The following ARHGEF18 variants were observed in gnomAD, a reference collection of about 807,000 sequenced individuals.
The protein encoded by ARHGEF18 is Rho/Rac guanine nucleotide exchange factor 18.
Under a neutral mutation model 155.7 loss-of-function variants are expected in ARHGEF18, and 93 were observed. That is an observed-to-expected ratio of 0.60 (90% CI 0.50 to 0.71). The LOEUF (loss-of-function observed/expected upper bound fraction) is 0.71, where lower values mean the gene tolerates loss of function less well. Among genes scored for constraint, ARHGEF18 ranks in the 30% least tolerant of loss-of-function variants. ARHGEF18 has a pLI of 0.00. For synonymous variants in ARHGEF18, 742 were observed against 753.1 expected (o/e 0.99, Z 0.24); for missense variants, 1,593 against 1,816.1 (o/e 0.88, Z 2.23).
At chr19:7,419,875 C>T (rs1311740923) in intron 10 of ARHGEF18, among the ~76,000 whole-genome samples, 2 of 149,754 alleles carry the variant, frequency 1.3e-5, no homozygotes, top group Admixed American at 6.6e-5. Flanking sequence ...GGAGTGGAAG[C>T]ACCTGGGGTG....
At chr19:7,432,337 A>G (rs1432449790) in intron 10 of ARHGEF18, among the ~76,000 whole-genome samples, 1 of 152,206 alleles carries the variant, frequency 6.6e-6, no homozygotes, top group Non-Finnish European at 1.5e-5. Context: ...TCAGCCTAAA[A>G]GAAAAGTCTT....
At chr19:7,472,714 T>G (rs1036132795), downstream of ARHGEF18, 6 of 295,832 alleles carry the variant, frequency 2.0e-5, no homozygotes, top group African/African-American at 6.5e-5. Context: ...TTGTTTGTTT[T>G]TTTGAGACAG....
At chr19:7,456,282 G>A in intron 17 of ARHGEF18, 45 bp from the exon 18 acceptor site, 1 of 1,593,172 alleles carries the variant, frequency 6.3e-7, no homozygotes, top group Non-Finnish European at 8.6e-7. Context: ...AAGACCTCCT[G>A]GCTATGGGAC....
chr19:7,364,257 AAGG>A (rs1362659743), intron 2 of ARHGEF18, among the ~76,000 whole-genome samples: 1 of 151,508 alleles, frequency 6.6e-6, no homozygotes, highest in Non-Finnish European at 1.5e-5. Context: ...TGATGGAAGG[AAGG>A]AGGATGGATA....
chr19:7,474,999 C>T (rs1209343556), downstream of ARHGEF18, among the ~76,000 whole-genome samples: 6 of 151,998 alleles, frequency 3.9e-5, no homozygotes, highest in Non-Finnish European at 7.4e-5. Flanking sequence ...TTTGGGAGGC[C>T]GAAGTGGGTG....
intron 3 of ARHGEF18, among the ~76,000 whole-genome samples, chr19:7,374,914 T>C (rs1049608180): frequency 2.0e-5 from 3 of 152,074 alleles, no homozygotes; most frequent in Admixed American, 2.0e-4. Flanking sequence ...CACCAAATAG[T>C]AGAGGCAGGG....
At chr19:7,478,276 G>A in the ARHGEF18 span, 1 of 1,601,086 alleles carries the variant, frequency 6.2e-7, no homozygotes, top group Non-Finnish European at 8.5e-7. Flanking sequence ...CCTGCTGGAG[G>A]GAGTGGGCCT....
chr19:7,389,317 ATT>A lies in ARHGEF18; in HGVS notation c.967+6136_967+6137del, dbSNP rs1203819709. 6.8e-3 allele frequency among the ~76,000 whole-genome samples: 764 copies of A among 112,970 alleles called. 4 individuals are homozygous for A. Among genetic ancestry groups the A allele is most frequent in the African/African-American group, 0.026 (723 of 27,914 alleles). 74.1% of individuals were successfully genotyped at this position (112,970 alleles called of 152,430 possible). On this transcript the variant is annotated intron_variant, in intron 10 of 28. Transcript: ENST00000668164. ...AAGTGCATGCCATCATACCAGGATA[ATT>A]TTTTTTTTTTTTTTTTTTTTTGTAG...
downstream of ARHGEF18, among the ~76,000 whole-genome samples, chr19:7,473,535 G>GGCGC (rs1293715648): frequency 2.0e-5 from 3 of 152,074 alleles, no homozygotes; most frequent in African/African-American, 7.2e-5. Context: ...AGGTTGGCCG[G>GGCGC]GCGCAGTGGC....
At chr19:7,459,022 C>T (rs1333474817) in intron 19 of ARHGEF18, among the ~76,000 whole-genome samples, 1 of 152,148 alleles carries the variant, frequency 6.6e-6, no homozygotes, top group Non-Finnish European at 1.5e-5. Context: ...GGGCCCAGAA[C>T]CAGCTGGCTT....
intron 13 of ARHGEF18, among the ~76,000 whole-genome samples, chr19:7,443,980 G>A (rs1974833211): frequency 1.3e-5 from 2 of 152,222 alleles, no homozygotes; most frequent in African/African-American, 4.8e-5. Context: ...CCCGTGATGG[G>A]GAGGCCCAGG....
chr19:7,361,991 G>GGAAGAAGAAGAAGAAGAAGAAGAGGAA (rs1969571061), intron 1 of ARHGEF18, among the ~76,000 whole-genome samples: 1 of 79,116 alleles, frequency 1.3e-5, no homozygotes, highest in Non-Finnish European at 2.4e-5. Context: ...AAGACTCTGT[G>GGAAGAAGAAGAAGAAGAAGAAGAGGAA]GAAGAAGAAG....
At chr19:7,465,610 T>G (rs2145902019) in intron 23 of ARHGEF18, among the ~76,000 whole-genome samples, 1 of 151,958 alleles carries the variant, frequency 6.6e-6, no homozygotes, top group Middle Eastern at 3.4e-3. Flanking sequence ...GGTCTCACTA[T>G]GTTGCCCAGG....
At chr19:7,438,020 C>T (rs1195072241) in intron 10 of ARHGEF18, among the ~76,000 whole-genome samples, 1 of 129,302 alleles carries the variant, frequency 7.7e-6, no homozygotes, top group Admixed American at 7.7e-5. Context: ...CCTCCCCTCC[C>T]TTCCCTTCCC....
intron 10 of ARHGEF18, among the ~76,000 whole-genome samples, chr19:7,424,996 GAA>G (rs538094940): frequency 1.2e-4 from 16 of 136,566 alleles, no homozygotes; most frequent in East Asian, 2.1e-4. Context: ...ACGTCTCGGG[GAA>G]AAAAAAAAAA....
chr19:7,451,784 C>T (rs767436552), intron 16 of ARHGEF18, among the ~76,000 whole-genome samples: 2 of 151,730 alleles, frequency 1.3e-5, no homozygotes, highest in Non-Finnish European at 2.9e-5. Flanking sequence ...TACAGTGGCA[C>T]GATCTCGGCT....
intron 1 of ARHGEF18, among the ~76,000 whole-genome samples, chr19:7,362,155 GAGGAGAAGAAGGAGAAGA>G (rs879464103): frequency 0.26 from 9,473 of 36,680 alleles, 2,977 homozygotes; most frequent in Middle Eastern, 0.37. Context: ...GAAGGAGAAG[GAGGAGAAGAAGGAGAAGA>G]AGGAGAAGAA....
chr19:7,398,048 T>C (rs1035209663), intron 10 of ARHGEF18, among the ~76,000 whole-genome samples: 4 of 152,140 alleles, frequency 2.6e-5, no homozygotes, highest in Non-Finnish European at 5.9e-5. Context: ...ACTGTGTATA[T>C]ATACTTCAAA....
Position 7,471,937 on chromosome 19 carries a change from C to CCG in ARHGEF18, c.*1640_*1641dup, listed in dbSNP as rs1164090085. On this transcript the variant is annotated 3_prime_UTR_variant, in exon 29 of 29. Transcript: ENST00000668164. This position sits in a 1 kb window ranked among gnomAD's most constrained non-coding sequence, Gnocchi z 4.4. ...GGCCATCAGCGACGCTGTCCGCCCC[C>CCG]CGTCAGATCCCATGTGTGCCATGTT... The CCG allele has an allele frequency of 6.6e-6, 1 of 151,684 alleles. No homozygotes were observed. Among genetic ancestry groups the CCG allele is most frequent in the Non-Finnish European group, 1.5e-5 (1 of 68,040 alleles). 9.4% of individuals were successfully genotyped at this position (151,684 alleles called of 1,614,324 possible).
Sources: allele counts gnomAD v4.1 joint callset (sites outside exome capture counted in the v4.1 genomes callset), GRCh38; gene constraint gnomAD v4.1.1; non-coding constraint Gnocchi (gnomAD v3.1); transcripts MANE v1.5; gene names NCBI Gene and HGNC (gene_info 2026-07-23, HGNC 2026-07-21).